PDZRN3: variants seen among roughly 807,000 people sequenced by gnomAD.
PDZRN3 encodes PDZ domain containing ring finger 3, also known as E3 ubiquitin-protein ligase PDZRN3.
PDZRN3 carries 38 observed loss-of-function variants against 85.7 expected under a neutral mutation model. The ratio of observed to expected loss-of-function variants is 0.44; its 90% CI spans 0.34 to 0.58. The LOEUF is 0.58. Ranked by LOEUF, PDZRN3 falls within the 20% of genes least tolerant of loss-of-function variation. The pLI is 0.01. For missense variants in PDZRN3, 1,629 were observed against 1,506.4 expected, an observed-to-expected ratio of 1.08 and a Z score of -1.35; for synonymous variants, 759 against 638.0, an observed-to-expected ratio of 1.19 and a Z score of -2.86.
At position 73,448,385 on chromosome 3, in the gene PDZRN3, T is replaced by C. The variant is rs372347354; in HGVS notation, c.919-43990A>G. Among the ~76,000 whole-genome samples, 4 of 152,350 alleles carry C rather than the reference T, an allele frequency of 2.6e-5. No homozygotes were observed. In the East Asian group the frequency reaches 5.8e-4, roughly 22 times the overall value. On this transcript the variant is annotated intron_variant, in intron 3 of 9. Coordinates refer to ENST00000263666, the MANE Select transcript of PDZRN3 (RefSeq NM_015009.3). ...ATTTTAGTTTTCTTCCTTTCTTTTT[T>C]ACATTTTCACTTTTAATGTTTGCTA... is the stretch of plus-strand genomic sequence containing the variant.
At chr3:73,540,704 C>T (rs1286485545) in intron 3 of PDZRN3, among the ~76,000 whole-genome samples, 1 of 152,174 alleles carries the variant, frequency 6.6e-6, no homozygotes. Context: ...TTTCCTGAGG[C>T]CTCCCCAGCC....
intron 3 of PDZRN3, among the ~76,000 whole-genome samples, chr3:73,461,996 TATTC>T (rs903542754): frequency 6.6e-6 from 1 of 152,230 alleles, no homozygotes; most frequent in Non-Finnish European, 1.5e-5. Flanking sequence ...ATTTGCTCAA[TATTC>T]ATTAATGAGA....
chr3:73,620,581 G>GGT (rs1553708122), intron 1 of PDZRN3, among the ~76,000 whole-genome samples: 2 of 139,800 alleles, frequency 1.4e-5, no homozygotes, highest in Admixed American at 1.4e-4. Context: ...GGTTTTTTTT[G>GGT]TTTTTTTTTT....
chr3:73,488,982 G>A (rs1028158105), intron 3 of PDZRN3, among the ~76,000 whole-genome samples: 4 of 152,160 alleles, frequency 2.6e-5, no homozygotes, highest in African/African-American at 4.8e-5. Context: ...CAGTGTGTTC[G>A]ATAGGCCTAA....
chr3:73,618,678 G>A (rs9841169), intron 1 of PDZRN3, among the ~76,000 whole-genome samples: 1,613 of 152,204 alleles, frequency 0.011, 21 homozygotes, highest in African/African-American at 0.037. Flanking sequence ...TTTTTATAGC[G>A]AGGCAAGCAC....
intron 3 of PDZRN3, among the ~76,000 whole-genome samples, chr3:73,426,367 A>C (rs1161587394): frequency 1.3e-5 from 2 of 152,144 alleles, no homozygotes; most frequent in East Asian, 3.9e-4. Context: ...ATTTCAGCTT[A>C]TTCTTTATCA....
intron 3 of PDZRN3, among the ~76,000 whole-genome samples, chr3:73,589,125 G>A (rs1056216105): frequency 6.6e-6 from 1 of 151,308 alleles, no homozygotes; most frequent in African/African-American, 2.4e-5. Context: ...TCTGCTCACT[G>A]CAAGCTCCGC....
intron 3 of PDZRN3, among the ~76,000 whole-genome samples, chr3:73,487,988 T>G (rs748871923): frequency 2.0e-5 from 3 of 152,186 alleles, no homozygotes; most frequent in Non-Finnish European, 4.4e-5. Flanking sequence ...TGGGCTGATA[T>G]TCCCCAATTT....
chr3:73,464,426 A>G (rs539130706), intron 3 of PDZRN3, among the ~76,000 whole-genome samples: 8 of 152,292 alleles, frequency 5.3e-5, no homozygotes, highest in South Asian at 2.1e-4. Flanking sequence ...AGCTGACCTT[A>G]TATCAAATAA....
chr3:73,383,617 C>A lies in PDZRN3; in HGVS notation c.2949G>T (p.Val983=). Reference sequence around the variant, plus strand: ...GCCGCCGCCGCTGCTCCTTGGCCTTCACCAGGTGCTGCTTCCTCTCCTCCT... The same window carrying A: ...GCCGCCGCCGCTGCTCCTTGGCCTTAACCAGGTGCTGCTTCCTCTCCTCCT... The part of the protein sequence containing the change: ...WSKEERKQHL[V]KAKEQRRRRE... The change falls in exon 10 of 10, where the codon GTG becomes GTT. Residue 983 remains valine, a synonymous_variant. Transcript: ENST00000263666. 6.2e-7 allele frequency: 1 copy of A among 1,614,012 alleles called. No individual in the cohort carries two copies.
intron 3 of PDZRN3, among the ~76,000 whole-genome samples, chr3:73,505,527 T>G (rs1190552013): frequency 6.6e-6 from 1 of 152,224 alleles, no homozygotes; most frequent in Non-Finnish European, 1.5e-5. Context: ...CCAGTAGACC[T>G]ATCAGAAAAT....
At chr3:73,389,313 C>T (rs1576023255) in intron 7 of PDZRN3, among the ~76,000 whole-genome samples, 2 of 152,080 alleles carry the variant, frequency 1.3e-5, no homozygotes, top group South Asian at 2.1e-4. Context: ...CCCTTAGAAG[C>T]GATTCCAGGA....
intron 3 of PDZRN3, among the ~76,000 whole-genome samples, chr3:73,565,663 C>T (rs59300181): frequency 3.3e-5 from 5 of 151,990 alleles, no homozygotes; most frequent in Admixed American, 6.6e-5. Flanking sequence ...AGGGGCCGGG[C>T]GCGGTGACTC....
intron 3 of PDZRN3, among the ~76,000 whole-genome samples, chr3:73,516,960 C>T (rs993968312): frequency 6.6e-6 from 1 of 152,148 alleles, no homozygotes; most frequent in Non-Finnish European, 1.5e-5. Context: ...TTGCTGTGCT[C>T]GGTTATCACA....
intron 2 of PDZRN3, among the ~76,000 whole-genome samples, chr3:73,604,185 T>C (rs1268978957): frequency 6.6e-6 from 1 of 152,114 alleles, no homozygotes; most frequent in Admixed American, 6.5e-5. Flanking sequence ...TGTGCCTCCT[T>C]CCTCTCTCAC....
intron 3 of PDZRN3, among the ~76,000 whole-genome samples, chr3:73,514,342 T>C (rs1361064708): frequency 1.3e-5 from 2 of 152,218 alleles, no homozygotes; most frequent in Non-Finnish European, 2.9e-5. Context: ...AAATGGACTA[T>C]AATGTGTAAT....
chr3:73,450,005 G>A (rs1439938064), intron 3 of PDZRN3, among the ~76,000 whole-genome samples: 2 of 152,204 alleles, frequency 1.3e-5, no homozygotes, highest in Admixed American at 6.5e-5. Context: ...GGACGATGAT[G>A]AGAAGGGTCC....
At chr3:73,416,835 C>A (rs552571348) in intron 3 of PDZRN3, among the ~76,000 whole-genome samples, 70 of 139,200 alleles carry the variant, frequency 5.0e-4, no homozygotes, top group Non-Finnish European at 9.2e-4. Flanking sequence ...CCATATCCAT[C>A]TTTAACCTGC....
intron 1 of PDZRN3, among the ~76,000 whole-genome samples, chr3:73,622,389 G>C (rs941429813): frequency 3.9e-5 from 6 of 152,152 alleles, no homozygotes; most frequent in Admixed American, 3.9e-4. Flanking sequence ...GGGGAGCCTC[G>C]GGCAAATATT....
Sources: allele counts gnomAD v4.1 joint callset (sites outside exome capture counted in the v4.1 genomes callset), GRCh38; gene constraint gnomAD v4.1.1; transcripts MANE v1.5; gene names NCBI Gene and HGNC (gene_info 2026-07-23, HGNC 2026-07-21).